Variants in NEDD4L observed in about 807,000 individuals in gnomAD.
NEDD4L encodes the protein NEDD4 like E3 ubiquitin protein ligase, also known as E3 ubiquitin-protein ligase NEDD4-like.
Under a neutral mutation model 148.9 loss-of-function variants are expected in NEDD4L, and 54 were observed. The ratio of observed to expected loss-of-function variants is 0.36; its 90% CI spans 0.29 to 0.45. The LOEUF is 0.45. Among genes scored for constraint, NEDD4L ranks in the 20% least tolerant of loss-of-function variants. NEDD4L has a pLI of 1.00. For missense variants in NEDD4L, 856 were observed against 1,233.8 expected, an observed-to-expected ratio of 0.69 and a Z score of 4.59; for synonymous variants, 433 against 440.7, an observed-to-expected ratio of 0.98 and a Z score of 0.22.
rs1215009247 is a variant in NEDD4L, at chr18:58,185,873, C to CA, written c.122+20024dup. The stretch of plus-strand genomic sequence containing the variant: ...GGGCAAAAAGAGCAAAACTCTGTCT[C>CA]AAAAAAAAAAAATTAAAATTAAAAT... On this transcript the variant is annotated intron_variant, in intron 2 of 30. Transcript: ENST00000400345. Among the ~76,000 whole-genome samples, 537 of 134,996 alleles carry CA rather than the reference C, an allele frequency of 4.0e-3. 2 individuals carry two copies. Among genetic ancestry groups the CA allele is most frequent in the African/African-American group, 5.2e-3 (191 of 36,574 alleles). 88.6% of individuals were successfully genotyped at this position (134,996 alleles called of 152,430 possible).
At chr18:58,247,859 A>G (rs1422122293) in intron 3 of NEDD4L, among the ~76,000 whole-genome samples, 3 of 152,164 alleles carry the variant, frequency 2.0e-5, no homozygotes, top group Non-Finnish European at 2.9e-5. Flanking sequence ...CTTCATTCAC[A>G]TGGGAGAAAA....
At chr18:58,250,640 G>A (rs2047818138) in intron 4 of NEDD4L, among the ~76,000 whole-genome samples, 1 of 152,064 alleles carries the variant, frequency 6.6e-6, no homozygotes, top group South Asian at 2.1e-4. Flanking sequence ...TGCTTGTATG[G>A]TCAAGTGTTA....
At chr18:58,066,506 A>G (rs184184151) in intron 1 of NEDD4L, among the ~76,000 whole-genome samples, 1 of 147,198 alleles carries the variant, frequency 6.8e-6, no homozygotes, top group Non-Finnish European at 1.5e-5. Context: ...TTTAGTAGAG[A>G]CGGGGTTTCA....
intron 5 of NEDD4L, among the ~76,000 whole-genome samples, chr18:58,294,985 G>A (rs1600822890): frequency 1.3e-5 from 2 of 152,224 alleles, no homozygotes; most frequent in Admixed American, 1.3e-4. Context: ...TTTAGGTTCA[G>A]AGCATAATTG....
In NEDD4L at chr18:58,256,257, T is replaced by C; in HGVS notation, c.297+4203T>C. The C allele has an allele frequency of 8.1e-7, 1 of 1,230,860 alleles. No individual in the cohort carries two copies. The highest frequency in any genetic ancestry group is 1.0e-6 in the Non-Finnish European group (1 of 987,410). 76.2% of individuals were successfully genotyped at this position (1,230,860 alleles called of 1,614,324 possible). A position where few individuals can be genotyped will look rare whatever the true frequency, so the allele number is the denominator to read the frequency against. On this transcript the variant is annotated intron_variant, in intron 5 of 30. Transcript: ENST00000400345. The surrounding 1 kb of genome is among the most constrained non-coding windows in gnomAD (Gnocchi z 5.2). ...AGCGCCGACGTGCGCCAGGTGAGGC[T>C]GCTGCCCCTGGGCCCCGATGGCCAG...
At chr18:58,072,872 GCACACACACACACACA>G (rs766485355) in intron 1 of NEDD4L, among the ~76,000 whole-genome samples, 3,507 of 131,606 alleles carry the variant, frequency 0.027, 123 homozygotes, top group African/African-American at 0.11. Context: ...GCGCGCGCGC[GCACACACACACACACA>G]CACACACACA....
At chr18:58,286,788 G>A (rs1452278607) in intron 5 of NEDD4L, among the ~76,000 whole-genome samples, 1 of 152,320 alleles carries the variant, frequency 6.6e-6, no homozygotes, top group East Asian at 1.9e-4. Flanking sequence ...TAAGTGCTAT[G>A]CTAGATGTTG....
At chr18:58,280,013 T>C (rs1156899591) in intron 5 of NEDD4L, among the ~76,000 whole-genome samples, 1 of 152,110 alleles carries the variant, frequency 6.6e-6, no homozygotes, top group Non-Finnish European at 1.5e-5. Flanking sequence ...CAGCAAACCA[T>C]CTAGTTTATA....
At chr18:58,314,938 A>G (rs1247018515) in intron 5 of NEDD4L, among the ~76,000 whole-genome samples, 1 of 152,154 alleles carries the variant, frequency 6.6e-6, no homozygotes, top group Non-Finnish European at 1.5e-5. Context: ...TTTCAAGTAC[A>G]CTTGAAAAAT....
chr18:58,307,304 G>C (rs1337454707), intron 5 of NEDD4L, among the ~76,000 whole-genome samples: 2 of 152,042 alleles, frequency 1.3e-5, no homozygotes, highest in East Asian at 3.9e-4. Flanking sequence ...CACACTAGCA[G>C]GACTCCAGCT....
At chr18:58,101,306 C>G (rs779342330) in intron 1 of NEDD4L, among the ~76,000 whole-genome samples, 23 of 152,136 alleles carry the variant, frequency 1.5e-4, no homozygotes, top group Non-Finnish European at 2.2e-4. Context: ...AGCATCACTC[C>G]TGGCATATTC....
At chr18:58,324,060 C>T (rs760546915) in intron 8 of NEDD4L, among the ~76,000 whole-genome samples, 10 of 152,176 alleles carry the variant, frequency 6.6e-5, no homozygotes, top group African/African-American at 9.7e-5. Context: ...AACACTCCTC[C>T]GCCTGAGAGA....
chr18:58,320,870 A>G (rs1169606181), intron 6 of NEDD4L, among the ~76,000 whole-genome samples: 1 of 152,234 alleles, frequency 6.6e-6, no homozygotes, highest in African/African-American at 2.4e-5. Context: ...AACCAGCAAT[A>G]GTTTTCTTAA....
At chr18:58,283,423 T>C (rs541284974) in intron 5 of NEDD4L, among the ~76,000 whole-genome samples, 97 of 152,300 alleles carry the variant, frequency 6.4e-4, no homozygotes, top group African/African-American at 2.2e-3. Flanking sequence ...CACACATCAC[T>C]GCCGCTCATA....
intron 5 of NEDD4L, among the ~76,000 whole-genome samples, chr18:58,254,611 G>GT (rs1437244359): frequency 1.4e-5 from 2 of 143,764 alleles, no homozygotes; most frequent in Admixed American, 6.9e-5. Flanking sequence ...TTTTCCTTTT[G>GT]TTTTTTGTTG....
chr18:58,329,303 G>A (rs144451133), intron 10 of NEDD4L, among the ~76,000 whole-genome samples, 176 bp downstream of exon 10: 15 of 152,292 alleles, frequency 9.8e-5, no homozygotes, highest in Admixed American at 2.0e-4. Context: ...TATAAAAGCC[G>A]TATTTGACAA....
At chr18:58,350,880 C>A (rs2043792227) in intron 17 of NEDD4L, 111 bp from the exon 18 acceptor site, 2 of 764,956 alleles carry the variant, frequency 2.6e-6, no homozygotes, top group Admixed American at 2.5e-5. Context: ...TAAATGTACC[C>A]TAGCAGAAAA....
chr18:58,067,713 G>A (rs1168629540), intron 1 of NEDD4L, among the ~76,000 whole-genome samples: 2 of 152,182 alleles, frequency 1.3e-5, no homozygotes, highest in African/African-American at 2.4e-5. Flanking sequence ...GTGTCCCAGT[G>A]GAACACTTGA....
chr18:58,323,428 A>G, intron 8 of NEDD4L, 94 bp downstream of exon 8: 1 of 725,942 alleles, frequency 1.4e-6, no homozygotes, highest in Non-Finnish European at 2.4e-6. Flanking sequence ...AAAGTTTAGA[A>G]AGCTTAAATA....
Sources: allele counts gnomAD v4.1 joint callset (sites outside exome capture counted in the v4.1 genomes callset), GRCh38; gene constraint gnomAD v4.1.1; non-coding constraint Gnocchi (gnomAD v3.1); transcripts MANE v1.5; gene names NCBI Gene and HGNC (gene_info 2026-07-23, HGNC 2026-07-21).